TACR3: variants seen among roughly 807,000 people sequenced by gnomAD.
The protein encoded by TACR3 is neuromedin-K receptor.
A neutral mutation model predicts 35.0 loss-of-function variants in TACR3; 34 were observed. The ratio of observed to expected loss-of-function variants is 0.97; its 90% CI spans 0.74 to 1.30. TACR3 has a LOEUF of 1.30. Among genes scored for constraint, TACR3 ranks in the 50% most tolerant of loss-of-function variants. The pLI, the probability that TACR3 is intolerant of heterozygous loss-of-function variation, is 0.00. For missense variants in TACR3, 558 were observed against 591.7 expected, an observed-to-expected ratio of 0.94 and a Z score of 0.59; for synonymous variants, 233 against 221.1, an observed-to-expected ratio of 1.05 and a Z score of -0.48.
intron 3 of TACR3, among the ~76,000 whole-genome samples, chr4:103,648,286 C>A (rs898228020): frequency 4.0e-5 from 6 of 151,832 alleles, no homozygotes; most frequent in African/African-American, 1.5e-4. Context: ...GCATTACAAA[C>A]AATCTAATTA....
At chr4:103,663,803 C>T (rs763883512) in intron 1 of TACR3, among the ~76,000 whole-genome samples, 10 of 152,184 alleles carry the variant, frequency 6.6e-5, no homozygotes, top group Non-Finnish European at 1.0e-4. Flanking sequence ...CAATAATTTG[C>T]GTGGAGAGGA....
chr4:103,629,896 A>AC (rs1274544348), intron 3 of TACR3, among the ~76,000 whole-genome samples: 97 of 124,556 alleles, frequency 7.8e-4, no homozygotes, highest in African/African-American at 1.3e-3. Context: ...ACAACAACAA[A>AC]AAAAAACAAA....
chr4:103,647,474 T>C (rs930492533), intron 3 of TACR3, among the ~76,000 whole-genome samples: 28 of 152,036 alleles, frequency 1.8e-4, no homozygotes, highest in African/African-American at 6.7e-4. Context: ...TATAGAAGTA[T>C]CATAATTTCA....
chr4:103,638,549 A>C (rs1403436828), intron 3 of TACR3, among the ~76,000 whole-genome samples: 1 of 152,124 alleles, frequency 6.6e-6, no homozygotes, highest in Non-Finnish European at 1.5e-5. Context: ...TCATGTCTAA[A>C]ACACCAAAAG....
At chr4:103,678,034 C>T (rs73835395) in intron 1 of TACR3, among the ~76,000 whole-genome samples, 23,069 of 151,988 alleles carry the variant, frequency 0.15, 2,266 homozygotes, top group East Asian at 0.43. Flanking sequence ...GGTAATGTAG[C>T]ATAGGTTATC....
intron 1 of TACR3, among the ~76,000 whole-genome samples, chr4:103,685,021 A>T (rs560603504): frequency 6.9e-6 from 1 of 145,098 alleles, no homozygotes; most frequent in African/African-American, 2.7e-5. Context: ...ATAAATAAAT[A>T]AATAAATAAA....
intron 1 of TACR3, among the ~76,000 whole-genome samples, chr4:103,676,256 AC>A (rs1726167542): frequency 6.6e-6 from 1 of 152,254 alleles, no homozygotes; most frequent in Non-Finnish European, 1.5e-5. Context: ...ATAATTGTTC[AC>A]AAATGAGGAC....
chr4:103,606,960 G>T (rs184603214), intron 3 of TACR3, among the ~76,000 whole-genome samples: 5,261 of 152,094 alleles, frequency 0.035, 333 homozygotes, highest in African/African-American at 0.12. Flanking sequence ...CTGTGGGTTT[G>T]TCATAGATAG....
chr4:103,591,633 C>T lies in TACR3; in HGVS notation c.939G>A (p.Leu313=). The change falls in exon 4 of 5, where the codon CTG becomes CTA. Residue 313 remains leucine, a synonymous_variant. Transcript: ENST00000304883. ...TGAGAATGAAGTAAATATGATAGGG[C>T]AGCCAGCAGATAGCAAATGTCATGA... ...IVVMTFAICW[L]PYHIYFILTA... The T allele has an allele frequency of 6.2e-7, 1 of 1,613,602 alleles. No homozygotes were observed. The highest frequency in any genetic ancestry group is 1.1e-5 in the South Asian group (1 of 91,078).
At chr4:103,603,961 C>A (rs1166836376) in intron 3 of TACR3, among the ~76,000 whole-genome samples, 12 of 152,208 alleles carry the variant, frequency 7.9e-5, no homozygotes, top group Admixed American at 7.2e-4. Flanking sequence ...AATGGCCATA[C>A]TGCCCAAAGT....
intron 3 of TACR3, among the ~76,000 whole-genome samples, chr4:103,651,586 G>A (rs1725619175): frequency 6.6e-6 from 1 of 151,876 alleles, no homozygotes; most frequent in Non-Finnish European, 1.5e-5. Context: ...CTACCTCCTT[G>A]TGGCTGAGCT....
At chr4:103,650,115 G>A (rs1239885357) in intron 3 of TACR3, among the ~76,000 whole-genome samples, 1 of 152,000 alleles carries the variant, frequency 6.6e-6, no homozygotes, top group Non-Finnish European at 1.5e-5. Flanking sequence ...GTTGGTCTTG[G>A]ATAAGATCCA....
At chr4:103,597,027 G>C (rs1210558651) in intron 3 of TACR3, among the ~76,000 whole-genome samples, 1 of 152,028 alleles carries the variant, frequency 6.6e-6, no homozygotes, top group East Asian at 1.9e-4. Flanking sequence ...TTGGTTCCAA[G>C]TCTTTGCTAT....
At chr4:103,602,501 T>A (rs1394592767) in intron 3 of TACR3, among the ~76,000 whole-genome samples, 3 of 152,026 alleles carry the variant, frequency 2.0e-5, no homozygotes, top group Non-Finnish European at 4.4e-5. Context: ...CTTTTTTTTT[T>A]TTCCCATCTT....
intron 3 of TACR3, among the ~76,000 whole-genome samples, chr4:103,654,551 T>TGGGGGGA (rs1725692147): frequency 2.1e-5 from 1 of 47,654 alleles, no homozygotes; most frequent in Admixed American, 3.4e-4. Flanking sequence ...TGTTGTGGGG[T>TGGGGGGA]GGGGGGAGGG....
chr4:103,605,032 C>T (rs1724321884), intron 3 of TACR3, among the ~76,000 whole-genome samples: 1 of 145,968 alleles, frequency 6.9e-6, no homozygotes, highest in Non-Finnish European at 1.5e-5. Context: ...TTCCTGTGTC[C>T]ATGTGATCTC....
At chr4:103,650,719 A>AT (rs1560822068) in intron 3 of TACR3, among the ~76,000 whole-genome samples, 1 of 52,440 alleles carries the variant, frequency 1.9e-5, no homozygotes, top group Non-Finnish European at 2.8e-5. Context: ...AAATATATAT[A>AT]AATAAATATA....
chr4:103,692,612 G>A (rs1258527140), intron 1 of TACR3, among the ~76,000 whole-genome samples: 1 of 152,134 alleles, frequency 6.6e-6, no homozygotes, highest in Non-Finnish European at 1.5e-5. Context: ...TCAGATAATG[G>A]CAACAATTCT....
chr4:103,704,410 G>A (rs1722739852), intron 1 of TACR3, among the ~76,000 whole-genome samples: 1 of 152,142 alleles, frequency 6.6e-6, no homozygotes, highest in Non-Finnish European at 1.5e-5. Flanking sequence ...AGGCTATAAA[G>A]ATACTACCCA....
Sources: allele counts gnomAD v4.1 joint callset (sites outside exome capture counted in the v4.1 genomes callset), GRCh38; gene constraint gnomAD v4.1.1; transcripts MANE v1.5; gene names NCBI Gene and HGNC (gene_info 2026-07-23, HGNC 2026-07-21).